STK10: variants seen among roughly 807,000 people sequenced by gnomAD.
STK10 encodes serine/threonine-protein kinase 10.
STK10 carries 78 observed loss-of-function variants against 113.8 expected under a neutral mutation model. The ratio of observed to expected loss-of-function variants is 0.69; its 90% CI spans 0.57 to 0.83. The LOEUF is 0.83. STK10 is among the 40% of genes least tolerant of loss of function. The probability of loss-of-function intolerance (pLI) is 0.00; values close to 1 mark genes in which losing one functional copy is unlikely to be tolerated. For missense variants in STK10, 1,109 were observed against 1,280.1 expected, an observed-to-expected ratio of 0.87 and a Z score of 2.04; for synonymous variants, 465 against 494.7, an observed-to-expected ratio of 0.94 and a Z score of 0.80.
At chr5:172,162,762 T>A (rs1236420141) in intron 1 of STK10, among the ~76,000 whole-genome samples, 5 of 152,192 alleles carry the variant, frequency 3.3e-5, no homozygotes, top group African/African-American at 9.7e-5. Context: ...CTTTCAGTCC[T>A]GAAAGCTGGC....
At position 172,044,895 on chromosome 5, in the gene STK10, G is replaced by A. The variant is rs757292727; in HGVS notation, c.2894C>T (p.Ala965Val). 4.3e-6 allele frequency: 7 copies of A among 1,614,080 alleles called. No homozygotes were observed. The highest frequency in any genetic ancestry group is 5.1e-6 in the Non-Finnish European group (6 of 1,180,048). Residue 965 changes from alanine to valine, a missense_variant, in exon 19 of 19, where the codon GCG (alanine) becomes GTG (valine). Around this residue, in one of 5 missense-constraint regions of STK10, gnomAD observed 885 missense variants for 991.1 expected, o/e 0.89. Transcript: ENST00000176763. This position sits in a 1 kb window ranked among gnomAD's most constrained non-coding sequence, Gnocchi z 4.5. ...KAAKFFPYSS[A>V]DAS ...CCCGGGCGGTTGTTAAGAAGCATCCGCAGAACTGTAGGGGAAGAACTTGGC... is the reference window on the plus strand; with the variant it reads ...CCCGGGCGGTTGTTAAGAAGCATCCACAGAACTGTAGGGGAAGAACTTGGC...
Position 172,048,829 on chromosome 5 carries a change from GC to G in STK10, c.2767-3808del, listed in dbSNP as rs139348531. Among the ~76,000 whole-genome samples, 626 of 151,546 alleles carry G rather than the reference GC, an allele frequency of 4.1e-3. 3 individuals carry two copies. Among genetic ancestry groups the G allele is most frequent in the African/African-American group, 0.014 (596 of 41,192 alleles). On this transcript the variant is annotated intron_variant, in intron 18 of 18. Coordinates refer to ENST00000176763, the MANE Select transcript of STK10 (RefSeq NM_005990.4). ...AGAGTAAAAGCCAGACTTTACGCAG[GC>G]CCCCCACCCCTCTGACTTTACCTCC...
intron 2 of STK10, among the ~76,000 whole-genome samples, chr5:172,130,885 CTT>C (rs920618925): frequency 7.2e-5 from 11 of 152,192 alleles, no homozygotes; most frequent in African/African-American, 2.7e-4. Context: ...GATCACGTCA[CTT>C]AGGATTCCTA....
chr5:172,109,816 A>G (rs1205047762), intron 4 of STK10, among the ~76,000 whole-genome samples: 1 of 152,222 alleles, frequency 6.6e-6, no homozygotes, highest in Non-Finnish European at 1.5e-5. Context: ...CCTGAATGGA[A>G]TTTATGAGGG....
chr5:172,172,527 T>G (rs1414959798), intron 1 of STK10, among the ~76,000 whole-genome samples: 7 of 152,190 alleles, frequency 4.6e-5, no homozygotes, highest in Non-Finnish European at 7.3e-5. Flanking sequence ...ATGGTGCAGG[T>G]GTAAAGATGC....
intron 1 of STK10, among the ~76,000 whole-genome samples, chr5:172,173,189 G>A (rs10475571): frequency 0.14 from 21,776 of 152,090 alleles, 1,979 homozygotes; most frequent in East Asian, 0.29. Context: ...TCAAAGTGGC[G>A]GTTGTGGGGA....
chr5:172,138,039 T>C (rs967817853), intron 2 of STK10, among the ~76,000 whole-genome samples: 1 of 151,992 alleles, frequency 6.6e-6, no homozygotes, highest in Non-Finnish European at 1.5e-5. Context: ...CTATACAACA[T>C]AGCACTGAGA....
rs201052929 is a variant in STK10 at position 172,087,107 on chromosome 5, AGTGTGTGTGTGTGTGTGTGT to A, written c.1685+3105_1685+3124del. Among the ~76,000 whole-genome samples, 388 of 128,950 alleles carry A rather than the reference AGTGTGTGTGTGTGTGTGTGT, an allele frequency of 3.0e-3. 2 individuals carry two copies. Among genetic ancestry groups the A allele is most frequent in the African/African-American group, 0.01 (340 of 33,880 alleles). 84.6% of individuals were successfully genotyped at this position (128,950 alleles called of 152,430 possible). A position where few individuals can be genotyped will look rare whatever the true frequency, so the allele number is the denominator to read the frequency against. ...CCTCCCGACCCACACAGATGACACC[AGTGTGTGTGTGTGTGTGTGT>A]GTGTGTGTGTGTGTGTGTGTGTGTG... is the stretch of plus-strand genomic sequence containing the variant. On this transcript the variant is annotated intron_variant, in intron 10 of 18. Coordinates refer to ENST00000176763, the MANE Select transcript of STK10 (RefSeq NM_005990.4).
At chr5:172,123,232 A>G (rs1251822704) in intron 3 of STK10, among the ~76,000 whole-genome samples, 1 of 152,036 alleles carries the variant, frequency 6.6e-6, no homozygotes, top group Non-Finnish European at 1.5e-5. Context: ...GAAGGTCAAC[A>G]CTAAACAGAG....
At chr5:172,130,820 A>G (rs1345811495) in intron 2 of STK10, among the ~76,000 whole-genome samples, 3 of 152,136 alleles carry the variant, frequency 2.0e-5, no homozygotes, top group African/African-American at 7.2e-5. Context: ...CCACACAGTT[A>G]ATATGTGTTT....
intron 12 of STK10, among the ~76,000 whole-genome samples, chr5:172,066,718 G>A (rs1310020257): frequency 1.3e-5 from 2 of 152,144 alleles, no homozygotes; most frequent in African/African-American, 2.4e-5. Flanking sequence ...CTCAGGCGGC[G>A]TAGGTTGCAG....
At chr5:172,175,920 T>C (rs943174505) in intron 1 of STK10, among the ~76,000 whole-genome samples, 7 of 152,158 alleles carry the variant, frequency 4.6e-5, no homozygotes, top group African/African-American at 7.2e-5. Flanking sequence ...CTACCTTTCA[T>C]GGGGATACGA....
chr5:172,093,929 T>C lies in STK10; in HGVS notation c.1037A>G (p.Glu346Gly). 6.6e-7 allele frequency: 1 copy of C among 1,514,528 alleles called. No individual in the cohort carries two copies. Among genetic ancestry groups the C allele is most frequent in the Non-Finnish European group, 8.8e-7 (1 of 1,130,908 alleles). 93.8% of individuals were successfully genotyped at this position (1,514,528 alleles called of 1,614,324 possible). The change falls in exon 9 of 19, where the codon GAG becomes GGG. Residue 346 changes from glutamate to glycine, a missense_variant. Physicochemically the swap from Glu to Gly is moderately conservative, Grantham distance 98 (BLOSUM62 -2). Coordinates refer to ENST00000176763, the MANE Select transcript of STK10 (RefSeq NM_005990.4). The surrounding 1 kb of genome is among the most constrained non-coding windows in gnomAD (Gnocchi z 4.1). The part of the protein sequence containing the change: ...TLENHTQNSS[E>G]VSPPSLNADK... ...AGCATTGAGGCTTGGCGGACTCACCTCAGAGGAGTTCTGAGTATGGTTCTC... is the reference window on the plus strand; with the variant it reads ...AGCATTGAGGCTTGGCGGACTCACCCCAGAGGAGTTCTGAGTATGGTTCTC...
At chr5:172,171,529 C>T (rs749498649) in intron 1 of STK10, among the ~76,000 whole-genome samples, 2 of 152,016 alleles carry the variant, frequency 1.3e-5, no homozygotes, top group Non-Finnish European at 2.9e-5. Flanking sequence ...GTCTGGCCAA[C>T]AGAGTGAAAC....
intron 10 of STK10, among the ~76,000 whole-genome samples, chr5:172,084,866 G>T (rs1400242572): frequency 1.3e-5 from 2 of 152,148 alleles, no homozygotes; most frequent in African/African-American, 4.8e-5. Flanking sequence ...TGCTCAAAAA[G>T]TTGCAGATTT....
intron 10 of STK10, among the ~76,000 whole-genome samples, chr5:172,087,628 T>TTATTTA (rs1768599686): frequency 7.4e-6 from 1 of 135,800 alleles, no homozygotes; most frequent in Admixed American, 7.0e-5. Flanking sequence ...TATTTATTTT[T>TTATTTA]TTTTTTTTTT....
At chr5:172,116,174 G>A (rs1373019049) in intron 4 of STK10, among the ~76,000 whole-genome samples, 1 of 152,166 alleles carries the variant, frequency 6.6e-6, no homozygotes, top group African/African-American at 2.4e-5. Context: ...TCTGCCTCCT[G>A]GGTTCAAGCG....
At chr5:172,119,835 G>T (rs55642296) in intron 3 of STK10, among the ~76,000 whole-genome samples, 11,356 of 150,278 alleles carry the variant, frequency 0.076, 1,481 homozygotes, top group African/African-American at 0.26. Flanking sequence ...CTGCACTCCA[G>T]CCTGGGCGAC....
intron 6 of STK10, 40 bp downstream of exon 6, chr5:172,106,580 C>A: frequency 6.3e-7 from 1 of 1,584,332 alleles, no homozygotes; most frequent in Non-Finnish European, 8.6e-7. Context: ...CTAATCCCGG[C>A]GCAGGCACCC....
Sources: allele counts gnomAD v4.1 joint callset (sites outside exome capture counted in the v4.1 genomes callset), GRCh38; gene constraint gnomAD v4.1.1; regional missense constraint gnomAD v4.1.1; non-coding constraint Gnocchi (gnomAD v3.1); transcripts MANE v1.5; gene names NCBI Gene and HGNC (gene_info 2026-07-23, HGNC 2026-07-21).